Variants in FHL2 observed in about 807,000 individuals in gnomAD.
FHL2 encodes the protein four and a half LIM domains 2.
In FHL2, 20 loss-of-function variants were observed where a neutral mutation model predicts 32.7. The observed-to-expected ratio is 0.61, with a 90% CI of 0.43 to 0.89. The LOEUF (loss-of-function observed/expected upper bound fraction) is 0.89. FHL2 is among the 40% of genes least tolerant of loss of function. The probability of loss-of-function intolerance (pLI) is 0.00; values close to 1 mark genes in which losing one functional copy is unlikely to be tolerated. For missense variants in FHL2, 311 were observed against 358.6 expected, an observed-to-expected ratio of 0.87 and a Z score of 1.07; for synonymous variants, 123 against 128.1, an observed-to-expected ratio of 0.96 and a Z score of 0.27.
At chr2:105,363,193 G>T in intron 6 of FHL2, 92 bp downstream of exon 6, 1 of 1,263,580 alleles carries the variant, frequency 7.9e-7, no homozygotes, top group Non-Finnish European at 1.1e-6. Flanking sequence ...GGTCTGGGGA[G>T]TTGAGGGATA....
chr2:105,366,152 G>A (rs1418624933), intron 5 of FHL2, among the ~76,000 whole-genome samples: 3 of 152,070 alleles, frequency 2.0e-5, no homozygotes, highest in Admixed American at 6.5e-5. Context: ...GGAGGTTGCA[G>A]TGAGCCAAGA....
At chr2:105,418,191 T>G (rs891410704) in intron 1 of FHL2, among the ~76,000 whole-genome samples, 3 of 152,176 alleles carry the variant, frequency 2.0e-5, no homozygotes, top group Non-Finnish European at 2.9e-5. Context: ...CTGTCCTTAT[T>G]TTTGACTCTG....
chr2:105,396,925 G>A lies in FHL2; in HGVS notation c.-75-228C>T, dbSNP rs192144917. Reference sequence around the variant, plus strand: ...CGCTTAGCGACTCAGGCCCGGTGCTGACAAAGGAGGCTGCCTGAGTCACTG... The same window carrying A: ...CGCTTAGCGACTCAGGCCCGGTGCTAACAAAGGAGGCTGCCTGAGTCACTG... On this transcript the variant is annotated intron_variant, in intron 1 of 6. Transcript: ENST00000530340. The A allele has an allele frequency of 2.3e-5, 11 of 480,686 alleles. No homozygotes were observed. In the East Asian group the frequency reaches 3.8e-4, roughly 17 times the overall value. 29.8% of individuals were successfully genotyped at this position (480,686 alleles called of 1,614,324 possible).
At chr2:105,401,340 G>T (rs998264065), upstream of FHL2, among the ~76,000 whole-genome samples, 7 of 152,254 alleles carry the variant, frequency 4.6e-5, no homozygotes, top group African/African-American at 1.7e-4. Context: ...TGGGGAAATG[G>T]ATAGGGCCTA....
Position 105,384,028 on chromosome 2 carries a change from G to A in FHL2, c.156+2333C>T, listed in dbSNP as rs78471319. Among the ~76,000 whole-genome samples, 986 of 152,284 alleles carry A rather than the reference G, an allele frequency of 6.5e-3. 2 individuals are homozygous for A. The highest frequency in any genetic ancestry group is 0.01 in the Non-Finnish European group (684 of 68,020). ...TTGTTTATTTGCTCATAAAACATGC[G>A]TGGAAGGATGACGGCTTTTAAGGGT... On this transcript the variant is annotated intron_variant, in intron 3 of 6. Transcript: ENST00000530340.
chr2:105,420,494 T>C (rs1311187546), intron 1 of FHL2, among the ~76,000 whole-genome samples: 1 of 152,096 alleles, frequency 6.6e-6, no homozygotes, highest in Non-Finnish European at 1.5e-5. Context: ...GCATATCAAT[T>C]TGGGGGAGAG....
intron 6 of FHL2, among the ~76,000 whole-genome samples, chr2:105,362,643 A>C (rs867265097): frequency 2.0e-5 from 3 of 152,184 alleles, no homozygotes; most frequent in Middle Eastern, 6.8e-3. Context: ...CCACCCAGTC[A>C]CTCATTTGTG....
chr2:105,399,629 G>A (rs892486085), upstream of FHL2: 1 of 1,511,666 alleles, frequency 6.6e-7, no homozygotes, highest in Non-Finnish European at 8.8e-7. Flanking sequence ...AGACTAGTTA[G>A]ACATCTTGGA....
intron 2 of FHL2, among the ~76,000 whole-genome samples, chr2:105,387,007 T>C (rs1294112038): frequency 2.6e-5 from 4 of 152,082 alleles, no homozygotes; most frequent in Non-Finnish European, 4.4e-5. Flanking sequence ...TCGGGTGATC[T>C]GCCCACCTCA....
At chr2:105,374,999 G>A (rs1573310706) in intron 3 of FHL2, among the ~76,000 whole-genome samples, 3 of 152,342 alleles carry the variant, frequency 2.0e-5, no homozygotes, top group South Asian at 4.1e-4. Flanking sequence ...CTCTGTTACT[G>A]AAACCGAAGT....
intron 2 of FHL2, 97 bp from the exon 3 acceptor site, chr2:105,386,637 C>T (rs1032624983): frequency 3.6e-5 from 36 of 1,011,992 alleles, no homozygotes; most frequent in African/African-American, 3.2e-4. Context: ...CATCTTTAGC[C>T]GAAAGGTGGC....
intron 1 of FHL2, among the ~76,000 whole-genome samples, chr2:105,433,957 T>G (rs749107106): frequency 6.6e-6 from 1 of 152,176 alleles, no homozygotes; most frequent in Non-Finnish European, 1.5e-5. Flanking sequence ...CCCTTGTCCT[T>G]AAGTCATTAC....
chr2:105,397,504 C>G (rs1355491244), intron 1 of FHL2, among the ~76,000 whole-genome samples: 1 of 152,166 alleles, frequency 6.6e-6, no homozygotes, highest in African/African-American at 2.4e-5. Flanking sequence ...AGGCAGCCTA[C>G]ATGCAGTCCC....
At chr2:105,434,647 G>A (rs1184701688) in intron 1 of FHL2, among the ~76,000 whole-genome samples, 1 of 151,840 alleles carries the variant, frequency 6.6e-6, no homozygotes, top group African/African-American at 2.4e-5. Context: ...TGAATAACAT[G>A]GTTATAAGCT....
upstream of FHL2, among the ~76,000 whole-genome samples, chr2:105,402,120 T>C (rs1683490578): frequency 2.0e-5 from 3 of 149,498 alleles, no homozygotes; most frequent in South Asian, 2.1e-4. Flanking sequence ...TATATATACA[T>C]ATATACATAT....
chr2:105,431,875 A>C (rs1684444995), intron 1 of FHL2, among the ~76,000 whole-genome samples: 1 of 152,186 alleles, frequency 6.6e-6, no homozygotes, highest in Non-Finnish European at 1.5e-5. Flanking sequence ...CAGCAGACAA[A>C]AGTAGAAGCA....
upstream of FHL2, chr2:105,399,054 A>G: frequency 6.7e-7 from 1 of 1,494,942 alleles, no homozygotes; most frequent in Non-Finnish European, 8.9e-7. Context: ...GGCCGAGTGG[A>G]GCGCTGCGCA....
chr2:105,422,222 C>T (rs761213264), intron 1 of FHL2, among the ~76,000 whole-genome samples: 11 of 152,176 alleles, frequency 7.2e-5, no homozygotes, highest in Non-Finnish European at 1.2e-4. Flanking sequence ...TGCTTTTATG[C>T]TTTGGGTTTT....
At chr2:105,429,383 T>A (rs1041333617) in intron 1 of FHL2, among the ~76,000 whole-genome samples, 3 of 152,206 alleles carry the variant, frequency 2.0e-5, no homozygotes, top group Non-Finnish European at 2.9e-5. Flanking sequence ...ATAGGGGGAT[T>A]ATTCTACATT....
Sources: gnomAD v4.1 joint callset for allele counts (sites outside exome capture counted in the v4.1 genomes callset) on GRCh38, gnomAD v4.1.1 for gene constraint, MANE v1.5 for transcripts, NCBI Gene and HGNC (gene_info 2026-07-23, HGNC 2026-07-21) for gene names.